THSD7A: variants seen among roughly 807,000 people sequenced by gnomAD.
THSD7A encodes thrombospondin type-1 domain-containing protein 7A.
A neutral mutation model predicts 231.3 loss-of-function variants in THSD7A; 96 were observed. The observed-to-expected ratio is 0.41, with a 90% CI of 0.35 to 0.49. THSD7A has a LOEUF of 0.49. THSD7A is among the 20% of genes least tolerant of loss of function. The pLI is 0.05. For missense variants in THSD7A, 2,290 were observed against 2,070.2 expected, an observed-to-expected ratio of 1.11 and a Z score of -2.06; for synonymous variants, 940 against 743.3, an observed-to-expected ratio of 1.26 and a Z score of -4.30.
chr7:11,658,608 C>A (rs1472141572), intron 1 of THSD7A, among the ~76,000 whole-genome samples: 2 of 151,666 alleles, frequency 1.3e-5, no homozygotes, highest in African/African-American at 4.8e-5. Context: ...AAATTTACAG[C>A]TATCGCAAGA....
At chr7:11,802,027 C>A (rs1784291079) in intron 1 of THSD7A, among the ~76,000 whole-genome samples, 1 of 152,112 alleles carries the variant, frequency 6.6e-6, no homozygotes, top group African/African-American at 2.4e-5. Context: ...AGCTTTTCTG[C>A]CTATTGTGTA....
At chr7:11,484,648 G>C (rs1786572255) in intron 6 of THSD7A, among the ~76,000 whole-genome samples, 1 of 152,058 alleles carries the variant, frequency 6.6e-6, no homozygotes, top group African/African-American at 2.4e-5. Flanking sequence ...CGACACGTAG[G>C]AAGCACTAAA....
chr7:11,595,522 C>G (rs141381652), intron 2 of THSD7A, among the ~76,000 whole-genome samples: 15 of 152,060 alleles, frequency 9.9e-5, no homozygotes, highest in Non-Finnish European at 1.9e-4. Context: ...CCATTGTGAG[C>G]GAGCTGGAAA....
Position 11,773,559 on chromosome 7 carries a change from T to G in THSD7A, c.190+58198A>C, listed in dbSNP as rs563528648. 7.9e-5 allele frequency among the ~76,000 whole-genome samples: 12 copies of G among 151,992 alleles called. No individual in the cohort carries two copies. In the South Asian group the frequency reaches 2.5e-3, roughly 32 times the overall value. ...AAAAAGAAAAAAAGAATAATACAAT[T>G]AGGACAAACATTAATAATTATGGTG... On this transcript the variant is annotated intron_variant, in intron 1 of 27. Transcript: ENST00000423059.
chr7:11,388,059 T>C (rs1256593627), intron 23 of THSD7A, among the ~76,000 whole-genome samples: 2 of 152,182 alleles, frequency 1.3e-5, no homozygotes, highest in Non-Finnish European at 2.9e-5. Context: ...GCCGACTTGA[T>C]TGTGGTAGAT....
At chr7:11,774,628 A>G (rs10235305) in intron 1 of THSD7A, among the ~76,000 whole-genome samples, 2,888 of 152,262 alleles carry the variant, frequency 0.019, 87 homozygotes, top group African/African-American at 0.066. Flanking sequence ...CAAACTATCA[A>G]TTTGTATATA....
Position 11,543,007 on chromosome 7 carries a change from C to T in THSD7A, c.1564G>A (p.Gly522Arg), listed in dbSNP as rs1386184609. The T allele has an allele frequency of 6.2e-7, 1 of 1,613,604 alleles. No individual in the cohort carries two copies. Among genetic ancestry groups the T allele is most frequent in the African/African-American group, 1.3e-5 (1 of 74,848 alleles). ...TTACAGTTTTCATAAGTACAAGGTC[C>T]CCAAGCTGACCAAGGTGAAACTTCA... ...ECEVSPWSAW[G>R]PCTYENCNDQ... is the part of the protein sequence containing the mutation. Residue 522 changes from glycine to arginine, a missense_variant, in exon 5 of 28, where the codon GGA (glycine) becomes AGA (arginine). Gly to Arg is a moderately radical substitution (Grantham distance 125). Transcript: ENST00000423059.
At chr7:11,663,346 C>A (rs1232266006) in intron 1 of THSD7A, among the ~76,000 whole-genome samples, 1 of 151,432 alleles carries the variant, frequency 6.6e-6, no homozygotes, top group Non-Finnish European at 1.5e-5. Context: ...GTTCCTCCGT[C>A]TATTCAATCT....
At chr7:11,383,122 AT>A (rs1200177460) in intron 23 of THSD7A, among the ~76,000 whole-genome samples, 2 of 151,656 alleles carry the variant, frequency 1.3e-5, no homozygotes, top group Admixed American at 6.6e-5. Context: ...CATGCTTTTA[AT>A]TTTTTCACTA....
At chr7:11,555,084 A>G (rs1016644108) in intron 4 of THSD7A, among the ~76,000 whole-genome samples, 4 of 151,322 alleles carry the variant, frequency 2.6e-5, no homozygotes, top group Admixed American at 6.6e-5. Flanking sequence ...TTTATTTTCA[A>G]TTTCATTGAT....
chr7:11,811,316 G>A (rs1033577102), intron 1 of THSD7A, among the ~76,000 whole-genome samples: 1 of 152,082 alleles, frequency 6.6e-6, no homozygotes, highest in African/African-American at 2.4e-5. Context: ...GTTTTCCTCT[G>A]GGTTAAAATT....
At chr7:11,577,746 G>A (rs1790979179) in intron 4 of THSD7A, among the ~76,000 whole-genome samples, 2 of 151,716 alleles carry the variant, frequency 1.3e-5, no homozygotes, top group Non-Finnish European at 2.9e-5. Context: ...GGATATAAGG[G>A]GCAGATGGAA....
intron 19 of THSD7A, among the ~76,000 whole-genome samples, chr7:11,407,865 T>G (rs190101736): frequency 6.8e-4 from 103 of 152,328 alleles, no homozygotes; most frequent in African/African-American, 2.3e-3. Context: ...AAGGAAAAGG[T>G]TCTAAACATA....
chr7:11,700,201 T>C (rs952104497), intron 1 of THSD7A, among the ~76,000 whole-genome samples: 10 of 151,242 alleles, frequency 6.6e-5, no homozygotes, highest in African/African-American at 2.2e-4. Flanking sequence ...TCAGGTTAAA[T>C]AGATACCTCT....
intron 2 of THSD7A, among the ~76,000 whole-genome samples, chr7:11,597,533 G>A (rs1438775285): frequency 1.3e-5 from 2 of 152,164 alleles, no homozygotes; most frequent in African/African-American, 4.8e-5. Flanking sequence ...CATGCTGTTT[G>A]GAGCCTTTGG....
rs1583623245 is a variant in THSD7A at position 11,373,330 on chromosome 7, A to T, written c.*2464T>A. 2.6e-5 allele frequency: 4 copies of T among 152,160 alleles called. No homozygotes were observed. Among genetic ancestry groups the T allele is most frequent in the South Asian group, 4.2e-4 (2 of 4,812 alleles). The allele number at this position is 152,160 out of a possible 1,614,324, so 9.4% of individuals were successfully genotyped here. On this transcript the variant is annotated 3_prime_UTR_variant, in exon 28 of 28. Transcript: ENST00000423059. ...GGTTAGCTGAATTTTTCAAGTAACC[A>T]CAATAGAGTCTTTCTTAACTATTTT...
intron 1 of THSD7A, among the ~76,000 whole-genome samples, chr7:11,757,957 T>C (rs966957095): frequency 1.2e-4 from 18 of 149,822 alleles, no homozygotes; most frequent in African/African-American, 4.4e-4. Flanking sequence ...AATTTTTTAT[T>C]GACCACTTAC....
chr7:11,703,221 G>C (rs1404496054), intron 1 of THSD7A, among the ~76,000 whole-genome samples: 1 of 151,146 alleles, frequency 6.6e-6, no homozygotes, highest in African/African-American at 2.4e-5. Context: ...GTGTTGAAGA[G>C]GCTAGAAAAT....
chr7:11,387,742 T>C (rs988989511), intron 23 of THSD7A, among the ~76,000 whole-genome samples: 2 of 152,168 alleles, frequency 1.3e-5, no homozygotes, highest in African/African-American at 2.4e-5. Flanking sequence ...CTTCCCATAC[T>C]ATGTTGAATA....
Sources: gnomAD v4.1 joint callset for allele counts (sites outside exome capture counted in the v4.1 genomes callset) on GRCh38, gnomAD v4.1.1 for gene constraint, MANE v1.5 for transcripts, NCBI Gene and HGNC (gene_info 2026-07-23, HGNC 2026-07-21) for gene names.